Variants in ZBTB20 observed in about 807,000 individuals in gnomAD.
ZBTB20 encodes zinc finger and BTB domain containing 20.
In ZBTB20, 9 loss-of-function variants were observed where a neutral mutation model predicts 56.9. The ratio of observed to expected loss-of-function variants is 0.16; its 90% CI spans 0.10 to 0.28. The LOEUF is 0.28. ZBTB20 is among the 10% of genes least tolerant of loss of function. The probability of loss-of-function intolerance (pLI) is 1.00; values close to 1 mark genes in which losing one functional copy is unlikely to be tolerated. For missense variants in ZBTB20, 655 were observed against 1,003.0 expected, an observed-to-expected ratio of 0.65 and a Z score of 4.69; for synonymous variants, 417 against 420.7, an observed-to-expected ratio of 0.99 and a Z score of 0.11.
intron 2 of ZBTB20, among the ~76,000 whole-genome samples, chr3:115,010,787 G>A (rs779703082): frequency 4.0e-5 from 6 of 151,854 alleles, no homozygotes; most frequent in Admixed American, 6.6e-5. Flanking sequence ...TGACATCCCC[G>A]TATGAACTAA....
intron 6 of ZBTB20, among the ~76,000 whole-genome samples, chr3:114,515,659 C>G (rs556859118): frequency 6.6e-6 from 1 of 152,262 alleles, no homozygotes; most frequent in South Asian, 2.1e-4. Context: ...AAAACAGAGG[C>G]CATCAAATGG....
Position 114,523,180 on chromosome 3 carries a change from A to G in ZBTB20, c.-294-22789T>C, listed in dbSNP as rs7653754. ...AGCGAAGAAAGTGTTTTAATGGAGA[A>G]TGAATAATGGGCCATGTAAAACAAT... is the stretch of plus-strand genomic sequence containing the variant. On this transcript the variant is annotated intron_variant, in intron 6 of 11. Coordinates refer to ENST00000675478, the MANE Select transcript of ZBTB20 (RefSeq NM_001348800.3). Among the ~76,000 whole-genome samples, 1,486 of 152,310 alleles carry G rather than the reference A, an allele frequency of 9.8e-3. 27 individuals carry two copies. Among genetic ancestry groups the G allele is most frequent in the African/African-American group, 0.034 (1,398 of 41,560 alleles).
chr3:114,974,063 T>TAAAAAAAAAAAAAAAAAAAAA (rs74552088), intron 3 of ZBTB20, among the ~76,000 whole-genome samples: 1 of 108,652 alleles, frequency 9.2e-6, no homozygotes. Flanking sequence ...CCAAACCAGT[T>TAAAAAAAAAAAAAAAAAAAAA]AAAAAAAAAA....
chr3:114,879,431 C>T (rs1299564678), intron 4 of ZBTB20, among the ~76,000 whole-genome samples: 1 of 152,106 alleles, frequency 6.6e-6, no homozygotes, highest in Non-Finnish European at 1.5e-5. Context: ...AAAAAACCCT[C>T]AGTAGTGACT....
intron 7 of ZBTB20, among the ~76,000 whole-genome samples, chr3:114,480,625 G>A (rs189646849): frequency 6.6e-6 from 1 of 152,308 alleles, no homozygotes; most frequent in East Asian, 1.9e-4. Flanking sequence ...CATCCATATA[G>A]TCAGCTAATA....
chr3:114,781,063 A>AATTTT (rs1256850188), intron 5 of ZBTB20, among the ~76,000 whole-genome samples: 2 of 152,216 alleles, frequency 1.3e-5, no homozygotes. Flanking sequence ...TATAAAGGCA[A>AATTTT]ATTTTAATTT....
At chr3:114,697,243 C>T (rs1472171547) in intron 5 of ZBTB20, among the ~76,000 whole-genome samples, 1 of 151,960 alleles carries the variant, frequency 6.6e-6, no homozygotes, top group Non-Finnish European at 1.5e-5. Context: ...CACCCGTCTT[C>T]CTTATACTCT....
intron 7 of ZBTB20, among the ~76,000 whole-genome samples, chr3:114,463,562 A>C (rs947107796): frequency 2.0e-5 from 3 of 152,210 alleles, no homozygotes; most frequent in Non-Finnish European, 4.4e-5. Flanking sequence ...TCAGTACTAT[A>C]ACACTGAAGA....
intron 3 of ZBTB20, among the ~76,000 whole-genome samples, chr3:114,920,226 A>G (rs1374485234): frequency 6.6e-6 from 1 of 152,212 alleles, no homozygotes; most frequent in East Asian, 1.9e-4. Flanking sequence ...TCATATAGAC[A>G]GCAAATCACC....
At chr3:115,036,876 G>A (rs575282624) in intron 2 of ZBTB20, among the ~76,000 whole-genome samples, 4 of 152,176 alleles carry the variant, frequency 2.6e-5, no homozygotes, top group Admixed American at 2.0e-4. Flanking sequence ...CAGAACTTAC[G>A]ATGAATGTCC....
chr3:114,775,966 T>C (rs1179186738), intron 5 of ZBTB20, among the ~76,000 whole-genome samples: 1 of 152,022 alleles, frequency 6.6e-6, no homozygotes, highest in Non-Finnish European at 1.5e-5. Context: ...ATGGACCTAG[T>C]TTTCTTCAAC....
intron 10 of ZBTB20, among the ~76,000 whole-genome samples, chr3:114,379,658 G>A (rs2084081224): frequency 1.3e-5 from 2 of 152,160 alleles, no homozygotes; most frequent in South Asian, 4.1e-4. Context: ...TTGGCTGTGT[G>A]AAGTCTGGGT....
Position 114,486,132 on chromosome 3 carries a change from GTGT to G in ZBTB20, c.-255+14217_-255+14219del, listed in dbSNP as rs1254117521. On this transcript the variant is annotated intron_variant, in intron 7 of 11. Coordinates refer to ENST00000675478, the MANE Select transcript of ZBTB20 (RefSeq NM_001348800.3). ...GTGGTCAGTAAGAGTGTGTGTGTGT[GTGT>G]GTGGGGGGGGGGGGCGGTGTATGAA... Among the ~76,000 whole-genome samples, 11 of 70,698 alleles carry G rather than the reference GTGT, an allele frequency of 1.6e-4. 1 individual carries two copies. Among genetic ancestry groups the G allele is most frequent in the African/African-American group, 5.4e-4 (11 of 20,224 alleles). The allele number at this position is 70,698 out of a possible 152,430, so 46.4% of individuals were successfully genotyped here. A position where few individuals can be genotyped will look rare whatever the true frequency, so the allele number is the denominator to read the frequency against.
intron 6 of ZBTB20, among the ~76,000 whole-genome samples, chr3:114,675,687 T>C (rs2061587578): frequency 6.6e-6 from 1 of 152,172 alleles, no homozygotes; most frequent in South Asian, 2.1e-4. Context: ...GTATGTTTTC[T>C]TTTCCCATCA....
At chr3:114,436,835 A>G (rs1443290602) in intron 7 of ZBTB20, among the ~76,000 whole-genome samples, 1 of 152,130 alleles carries the variant, frequency 6.6e-6, no homozygotes, top group Non-Finnish European at 1.5e-5. Context: ...ATTGAGCCAG[A>G]CTTCAACCCT....
intron 7 of ZBTB20, among the ~76,000 whole-genome samples, chr3:114,418,291 T>G (rs73241530): frequency 7.6e-4 from 115 of 152,176 alleles, no homozygotes; most frequent in Non-Finnish European, 1.5e-3. Flanking sequence ...CCCCAAGCTG[T>G]GACAGCCTTA....
chr3:115,049,864 A>G (rs2081477443), intron 2 of ZBTB20, among the ~76,000 whole-genome samples: 1 of 152,142 alleles, frequency 6.6e-6, no homozygotes, highest in South Asian at 2.1e-4. Flanking sequence ...ATCTGCTAGA[A>G]TAGTTAAAAA....
chr3:114,346,129 T>A (rs2080166970), intron 11 of ZBTB20, among the ~76,000 whole-genome samples: 1 of 152,192 alleles, frequency 6.6e-6, no homozygotes, highest in South Asian at 2.1e-4. Context: ...CAATTTTCTT[T>A]TACTGTTATA....
At chr3:114,787,898 A>G (rs1248761689) in intron 5 of ZBTB20, among the ~76,000 whole-genome samples, 3 of 152,168 alleles carry the variant, frequency 2.0e-5, no homozygotes, top group African/African-American at 7.2e-5. Flanking sequence ...GACCAAAATG[A>G]GAATGTCTAA....
Sources: allele counts gnomAD v4.1 joint callset (sites outside exome capture counted in the v4.1 genomes callset), GRCh38; gene constraint gnomAD v4.1.1; transcripts MANE v1.5; gene names NCBI Gene and HGNC (gene_info 2026-07-23, HGNC 2026-07-21).